Variants in MMRN2 observed in about 807,000 individuals in gnomAD.
The protein encoded by MMRN2 is multimerin 2.
A neutral mutation model predicts 68.8 loss-of-function variants in MMRN2; 53 were observed. The ratio of observed to expected loss-of-function variants is 0.77; its 90% CI spans 0.62 to 0.97. MMRN2 has a LOEUF of 0.97. Ranked by LOEUF, MMRN2 falls within the 50% of genes least tolerant of loss-of-function variation. MMRN2 has a pLI of 0.00. For synonymous variants in MMRN2, 564 were observed against 551.6 expected, an observed-to-expected ratio of 1.02 and a Z score of -0.32; for missense variants, 1,266 against 1,259.5, an observed-to-expected ratio of 1.01 and a Z score of -0.08.
rs1158516190 is a variant in MMRN2, at chr10:86,939,810, T to G, written c.2467+2507A>C. Among the ~76,000 whole-genome samples, 79 of 30,802 alleles carry G rather than the reference T, an allele frequency of 2.6e-3. No homozygotes were observed. The South Asian group carries it at 0.084, about 33-fold the overall frequency. 20.2% of individuals were successfully genotyped at this position (30,802 alleles called of 152,430 possible). A position where few individuals can be genotyped will look rare whatever the true frequency, so the allele number is the denominator to read the frequency against. ...AACAAATAAAGGGAAATTTGGGGTG[T>G]GTGTGTGTGTGTGTGTGTGTGTGTG... On this transcript the variant is annotated intron_variant, in intron 6 of 6. Coordinates refer to ENST00000372027, the MANE Select transcript of MMRN2 (RefSeq NM_024756.3).
At chr10:86,945,879 G>A in intron 1 of MMRN2, 190 bp from the exon 2 acceptor site, 1 of 1,412,682 alleles carries the variant, frequency 7.1e-7, no homozygotes, top group East Asian at 2.6e-5. Flanking sequence ...ATCCCTACCT[G>A]CAAAGAGGGC....
At chr10:86,953,672 C>A (rs137944490) in intron 1 of MMRN2, among the ~76,000 whole-genome samples, 1,537 of 152,322 alleles carry the variant, frequency 0.01, 27 homozygotes, top group African/African-American at 0.035. Flanking sequence ...CATAGGACAT[C>A]TCCACACCCC....
intron 6 of MMRN2, among the ~76,000 whole-genome samples, chr10:86,938,569 G>C (rs546652827): frequency 2.6e-5 from 4 of 152,334 alleles, no homozygotes; most frequent in African/African-American, 9.6e-5. Flanking sequence ...AGTCCTACTT[G>C]GGTCCTGGCT....
chr10:86,953,714 G>A (rs537894682), intron 1 of MMRN2, among the ~76,000 whole-genome samples: 2 of 152,346 alleles, frequency 1.3e-5, no homozygotes, highest in South Asian at 4.1e-4. Flanking sequence ...CAAAATGTCA[G>A]TATGCCAGGG....
intron 6 of MMRN2, among the ~76,000 whole-genome samples, chr10:86,939,594 C>T (rs1043177304): frequency 1.3e-5 from 2 of 152,136 alleles, no homozygotes; most frequent in Non-Finnish European, 2.9e-5. Context: ...CCCGCAGCGC[C>T]CTCTACCGGT....
At chr10:86,944,835 C>T (rs564134140) in intron 4 of MMRN2, among the ~76,000 whole-genome samples, 5 of 152,356 alleles carry the variant, frequency 3.3e-5, no homozygotes, top group South Asian at 2.1e-4. Flanking sequence ...ACTCCAAGAC[C>T]AAGGACAGCA....
chr10:86,953,471 C>T (rs1844171087), intron 1 of MMRN2, among the ~76,000 whole-genome samples: 1 of 152,146 alleles, frequency 6.6e-6, no homozygotes, highest in African/African-American at 2.4e-5. Flanking sequence ...TCCAGCCTGT[C>T]CCTCCGTTCA....
rs1324697738 is a variant in MMRN2 at position 86,943,900 on chromosome 10, G to A, written c.884C>T (p.Ala295Val). 8 of 1,614,034 alleles carry A rather than the reference G, an allele frequency of 5.0e-6. No individual in the cohort carries two copies. Among genetic ancestry groups the A allele is most frequent in the Non-Finnish European group, 6.8e-6 (8 of 1,180,038 alleles). ...TCTCTGAGTGTTCTCCTGGACCTTG[G>A]CCTCAAATTTGGCACCAAGCTCCTG... ...DFQELGAKFE[A>V]KVQENTQRVG... Residue 295 changes from alanine to valine, a missense_variant, in exon 6 of 7, where the codon GCC becomes GTC. By Grantham distance (64) the Ala-to-Val change is moderately conservative. Coordinates refer to ENST00000372027, the MANE Select transcript of MMRN2 (RefSeq NM_024756.3). The surrounding 1 kb of genome is among the most constrained non-coding windows in gnomAD (Gnocchi z 4.2).
At chr10:86,948,529 T>C (rs1844102509) in intron 1 of MMRN2, 1 of 151,972 alleles carries the variant, frequency 6.6e-6, no homozygotes, top group Non-Finnish European at 1.5e-5. Context: ...GTTAAAGAAA[T>C]TTCCCTAAAA....
At chr10:86,938,415 GCCAGGC>G (rs1843910235) in intron 6 of MMRN2, among the ~76,000 whole-genome samples, 1 of 152,248 alleles carries the variant, frequency 6.6e-6, no homozygotes, top group Non-Finnish European at 1.5e-5. Flanking sequence ...GAACACTGGT[GCCAGGC>G]CCATGCACGG....
In MMRN2 at chr10:86,943,330, A is replaced by G. The variant is rs781660082; in HGVS notation, c.1454T>C (p.Leu485Pro). The G allele has an allele frequency of 3.7e-6, 6 of 1,613,918 alleles. No individual in the cohort carries two copies. The highest frequency in any genetic ancestry group is 1.1e-5 in the South Asian group (1 of 91,082). Reference protein sequence around the residue: ...LQHLQGGHADLIKYVKDCNCQ... With the variant: ...LQHLQGGHADPIKYVKDCNCQ... The stretch of plus-strand genomic sequence containing the variant: ...ATTGCAGTCCTTCACGTACTTGATG[A>G]GGTCGGCATGGCCACCCTGCAGGTG... The change falls in exon 6 of 7, where the codon CTC (leucine) becomes CCC (proline). Residue 485 changes from leucine (L) to proline (P), a missense_variant. Physicochemically the swap from Leu to Pro is moderately conservative, Grantham distance 98 (BLOSUM62 -3). Transcript: ENST00000372027. The surrounding 1 kb of genome is among the most constrained non-coding windows in gnomAD (Gnocchi z 4.2).
Position 86,945,285 on chromosome 10 carries a change from T to C in MMRN2, c.401-17A>G. 6.2e-7 allele frequency: 1 copy of C among 1,613,188 alleles called. No homozygotes were observed. Among genetic ancestry groups the C allele is most frequent in the Non-Finnish European group, 8.5e-7 (1 of 1,179,884 alleles). ...CCATGGAATCTGCAGAAGAAAGCAT[T>C]AGTTATTGACCCCAGTGGTCAGAGG... On this transcript the variant is annotated splice_polypyrimidine_tract_variant and intron_variant, in intron 3 of 6. Coordinates refer to ENST00000372027, the MANE Select transcript of MMRN2 (RefSeq NM_024756.3).
chr10:86,937,215 T>A, intron 6 of MMRN2, 90 bp from the exon 7 acceptor site: 1 of 1,385,212 alleles, frequency 7.2e-7, no homozygotes, highest in Non-Finnish European at 9.8e-7. Flanking sequence ...CTCACCTTAT[T>A]AGCAATGGAA....
At chr10:86,946,474 C>T (rs546561902) in intron 1 of MMRN2, among the ~76,000 whole-genome samples, 1 of 152,280 alleles carries the variant, frequency 6.6e-6, no homozygotes, top group Admixed American at 6.5e-5. Context: ...GGATGGCCAC[C>T]GCATCAAGGT....
At position 86,936,968 on chromosome 10, in the gene MMRN2, G is replaced by A. The variant is rs1400836687; in HGVS notation, c.2625C>T (p.Ser875=). ...PERGVYLFAV[S]VEFGPGPGTG... The stretch of plus-strand genomic sequence containing the variant: ...TGCCTGGCCCTGGGCCAAATTCAAC[G>A]CTCACTGCAAACAGGTAGACACCAC... The change falls in exon 7 of 7, where the codon AGC becomes AGT. Residue 875 remains serine (S), a synonymous_variant. Coordinates refer to ENST00000372027, the MANE Select transcript of MMRN2 (RefSeq NM_024756.3). 8 of 1,614,182 alleles carry A rather than the reference G, an allele frequency of 5.0e-6. No homozygotes were observed. The South Asian group carries it at 5.5e-5, about 11-fold the overall frequency.
intron 1 of MMRN2, among the ~76,000 whole-genome samples, chr10:86,952,564 C>T (rs1247612741): frequency 1.3e-5 from 2 of 152,166 alleles, no homozygotes; most frequent in Non-Finnish European, 2.9e-5. Context: ...ACCTGAGCCG[C>T]AAAACCAGCA....
In MMRN2 at chr10:86,936,855, A is replaced by T. The variant is rs146646165; in HGVS notation, c.2738T>A (p.Met913Lys). 19 of 1,614,206 alleles carry T rather than the reference A, an allele frequency of 1.2e-5. No homozygotes were observed. The African/African-American group carries it at 2.3e-4, about 19-fold the overall frequency. ...TCGCTCACCCTTCTGCAGCTCAGCC[A>T]TGGCAAAGACCGTTGCTGTGCTTCC... ...GSGSTATVFA[M>K]AELQKGERVW... Residue 913 changes from methionine to lysine, a missense_variant, in exon 7 of 7, where the codon ATG becomes AAG. By Grantham distance (95) the Met-to-Lys change is moderately conservative. Transcript: ENST00000372027.
Position 86,943,452 on chromosome 10 carries a change from A to T in MMRN2, c.1332T>A (p.Arg444=). Residue 444 remains arginine, a synonymous_variant, in exon 6 of 7, where the codon CGT becomes CGA. Transcript: ENST00000372027. The surrounding 1 kb of genome is among the most constrained non-coding windows in gnomAD (Gnocchi z 4.2). ...TCTCCATCAGGATCACGCGCAGCTC[A>T]CGGAGCGCCGTGTGGTTCACCTGCA... The part of the protein sequence containing the change: ...EELQVNHTAL[R]ELRVILMEKS... The T allele has an allele frequency of 6.2e-7, 1 of 1,614,096 alleles. No individual in the cohort carries two copies. Among genetic ancestry groups the T allele is most frequent in the Non-Finnish European group, 8.5e-7 (1 of 1,180,012 alleles).
chr10:86,940,246 GT>G (rs1843948935), intron 6 of MMRN2, among the ~76,000 whole-genome samples: 1 of 152,162 alleles, frequency 6.6e-6, no homozygotes, highest in African/African-American at 2.4e-5. Context: ...CTGACCTCAA[GT>G]GATCCACCCG....
Sources: gnomAD v4.1 joint callset for allele counts (sites outside exome capture counted in the v4.1 genomes callset) on GRCh38, gnomAD v4.1.1 for gene constraint, Gnocchi (gnomAD v3.1) non-coding constraint, MANE v1.5 for transcripts, NCBI Gene and HGNC (gene_info 2026-07-23, HGNC 2026-07-21) for gene names.